The following MDGA2 variants were observed in gnomAD, a reference collection of about 807,000 sequenced individuals.
MDGA2 encodes MAM domain-containing glycosylphosphatidylinositol anchor protein 2.
A neutral mutation model predicts 117.8 loss-of-function variants in MDGA2; 40 were observed. That is an observed-to-expected ratio of 0.34 (90% CI 0.26 to 0.44). MDGA2 has a LOEUF of 0.44. Among genes scored for constraint, MDGA2 ranks in the 20% least tolerant of loss-of-function variants. The probability of loss-of-function intolerance (pLI) is 1.00; values close to 1 mark genes in which losing one functional copy is unlikely to be tolerated. For synonymous variants in MDGA2, 452 were observed against 439.0 expected, an observed-to-expected ratio of 1.03 and a Z score of -0.37; for missense variants, 1,123 against 1,250.6, an observed-to-expected ratio of 0.90 and a Z score of 1.54.
intron 1 of MDGA2, among the ~76,000 whole-genome samples, chr14:47,520,622 G>A (rs1019754182): frequency 2.6e-5 from 4 of 152,102 alleles, no homozygotes; most frequent in Non-Finnish European, 5.9e-5. Flanking sequence ...CACAGAACAG[G>A]AGAAAGCTGA....
At chr14:47,288,748 T>C (rs1888774485) in intron 2 of MDGA2, among the ~76,000 whole-genome samples, 1 of 152,288 alleles carries the variant, frequency 6.6e-6, no homozygotes, top group South Asian at 2.1e-4. Flanking sequence ...AAATAAAAGA[T>C]TAACAATTCC....
At chr14:46,958,364 TG>T (rs1306552267) in intron 8 of MDGA2, among the ~76,000 whole-genome samples, 1 of 151,682 alleles carries the variant, frequency 6.6e-6, no homozygotes, top group Non-Finnish European at 1.5e-5. Flanking sequence ...CATAAGCGCT[TG>T]GGGGGAAATA....
chr14:47,075,309 T>C (rs1322193879), intron 6 of MDGA2, among the ~76,000 whole-genome samples: 1 of 152,220 alleles, frequency 6.6e-6, no homozygotes, highest in African/African-American at 2.4e-5. Flanking sequence ...TTCATATTGC[T>C]GTCTTCCTGA....
At chr14:46,957,353 A>C in intron 9 of MDGA2, 21 bp downstream of exon 9, 1 of 1,602,190 alleles carries the variant, frequency 6.2e-7, no homozygotes, top group Middle Eastern at 1.8e-4. Flanking sequence ...ATGTATAAAA[A>C]GAAAATATCT....
At chr14:47,563,580 T>TTTTTTTTTTTTTTTTTTTTTTTTTTTTC (rs1895859113) in intron 1 of MDGA2, among the ~76,000 whole-genome samples, 1 of 32,644 alleles carries the variant, frequency 3.1e-5, no homozygotes, top group African/African-American at 1.0e-4. Flanking sequence ...TTTTTTCTGT[T>TTTTTTTTTTTTTTTTTTTTTTTTTTTTC]TTTTTTTTTT....
chr14:47,251,238 T>C (rs1427509029), intron 2 of MDGA2, among the ~76,000 whole-genome samples: 1 of 152,194 alleles, frequency 6.6e-6, no homozygotes, highest in Non-Finnish European at 1.5e-5. Flanking sequence ...TCCATCTACC[T>C]GGAAAATTTC....
chr14:47,619,215 T>C (rs1023145452), intron 1 of MDGA2, among the ~76,000 whole-genome samples: 1 of 152,084 alleles, frequency 6.6e-6, no homozygotes, highest in Middle Eastern at 3.2e-3. Flanking sequence ...CCTAGCATTG[T>C]GTTAGATACT....
At chr14:47,343,980 A>G (rs1389095289) in intron 1 of MDGA2, among the ~76,000 whole-genome samples, 1 of 152,172 alleles carries the variant, frequency 6.6e-6, no homozygotes, top group Admixed American at 6.6e-5. Context: ...AAAAGAGTGT[A>G]TACCTCCGCG....
chr14:47,054,976 C>G (rs1460722935), intron 7 of MDGA2, among the ~76,000 whole-genome samples: 1 of 149,132 alleles, frequency 6.7e-6, no homozygotes, highest in Non-Finnish European at 1.5e-5. Context: ...ATTGCTTGTC[C>G]CCGTTGTCCA....
In MDGA2 at chr14:46,882,061, C is replaced by T. The variant is rs768281674; in HGVS notation, c.2399G>A (p.Arg800His). 1.0e-5 allele frequency: 16 copies of T among 1,605,882 alleles called. No homozygotes were observed. The highest frequency in any genetic ancestry group is 1.7e-4 in the Middle Eastern group (1 of 6,044). Residue 800 changes from arginine to histidine, a missense_variant, in exon 11 of 17, where the codon CGT becomes CAT. This residue lies in a region of MDGA2 where 890 missense variants were observed against 1,050.3 expected (regional missense o/e 0.85). Coordinates refer to ENST00000399232, the MANE Select transcript of MDGA2 (RefSeq NM_001113498.3). ...CTACTTACCACTATATTTGATCACACGAATTGTTGAATCTCCTTCACCAAA... is the reference window on the plus strand; with the variant it reads ...CTACTTACCACTATATTTGATCACATGAATTGTTGAATCTCCTTCACCAAA... ...TKFGEGDSTI[R>H]VIKYSAPVNP...
chr14:47,552,720 T>C (rs1032969192), intron 1 of MDGA2, among the ~76,000 whole-genome samples: 2 of 152,196 alleles, frequency 1.3e-5, no homozygotes, highest in Admixed American at 6.5e-5. Flanking sequence ...AACCCACCAA[T>C]GGCTTTTTAA....
intron 6 of MDGA2, among the ~76,000 whole-genome samples, chr14:47,080,599 C>T (rs1387163379): frequency 1.3e-5 from 2 of 152,172 alleles, no homozygotes; most frequent in East Asian, 3.9e-4. Flanking sequence ...CATACCTGAG[C>T]CTACTGGTCA....
intron 1 of MDGA2, among the ~76,000 whole-genome samples, chr14:47,595,904 CTT>C (rs1896533850): frequency 1.3e-5 from 2 of 152,140 alleles, no homozygotes; most frequent in Non-Finnish European, 2.9e-5. Flanking sequence ...ACAAATCTGA[CTT>C]TAATAAGATC....
chr14:47,562,504 T>A (rs572039329), intron 1 of MDGA2, among the ~76,000 whole-genome samples: 14 of 152,336 alleles, frequency 9.2e-5, no homozygotes, highest in African/African-American at 3.1e-4. Context: ...CAGTTTCTTC[T>A]AGGTTTTCTA....
intron 1 of MDGA2, among the ~76,000 whole-genome samples, chr14:47,563,981 C>T (rs1422350616): frequency 6.6e-6 from 1 of 152,126 alleles, no homozygotes; most frequent in Non-Finnish European, 1.5e-5. Context: ...ACTTGCTTGT[C>T]TGAAAAGAAT....
At chr14:47,136,598 T>A (rs1026895914) in intron 4 of MDGA2, among the ~76,000 whole-genome samples, 4 of 152,208 alleles carry the variant, frequency 2.6e-5, no homozygotes, top group African/African-American at 9.6e-5. Context: ...AGTTAATGCT[T>A]TTGTCTATTT....
At chr14:47,652,391 A>G (rs1897661647) in intron 1 of MDGA2, among the ~76,000 whole-genome samples, 1 of 152,186 alleles carries the variant, frequency 6.6e-6, no homozygotes, top group Non-Finnish European at 1.5e-5. Context: ...CGGAACTTTT[A>G]CTATACATAC....
At chr14:47,025,838 G>A (rs532476924) in intron 8 of MDGA2, among the ~76,000 whole-genome samples, 14 of 152,244 alleles carry the variant, frequency 9.2e-5, no homozygotes, top group Admixed American at 2.0e-4. Flanking sequence ...TTCCTCCACT[G>A]ATTCAATTAA....
At chr14:47,191,774 G>A (rs1056742188) in intron 3 of MDGA2, among the ~76,000 whole-genome samples, 1 of 152,012 alleles carries the variant, frequency 6.6e-6, no homozygotes, top group African/African-American at 2.4e-5. Flanking sequence ...CTGATGTACC[G>A]CAGTCAGAAA....
Sources: allele counts gnomAD v4.1 joint callset (sites outside exome capture counted in the v4.1 genomes callset), GRCh38; gene constraint gnomAD v4.1.1; regional missense constraint gnomAD v4.1.1; transcripts MANE v1.5; gene names NCBI Gene and HGNC (gene_info 2026-07-23, HGNC 2026-07-21).